Variants in SFXN5 observed in about 807,000 individuals in gnomAD.
The protein encoded by SFXN5 is sideroflexin 5.
A neutral mutation model predicts 50.2 loss-of-function variants in SFXN5; 43 were observed. That is an observed-to-expected ratio of 0.86 (90% confidence interval 0.67 to 1.11). SFXN5 has a LOEUF of 1.11. SFXN5 is among the 50% of genes least tolerant of loss of function. The pLI is 0.00. For synonymous variants in SFXN5, 203 were observed against 185.8 expected (o/e 1.09, Z -0.75); for missense variants, 463 against 454.1 (o/e 1.02, Z -0.18).
At chr2:73,041,663 T>C (rs1462512283) in intron 2 of SFXN5, 1 of 406,830 alleles carries the variant, frequency 2.5e-6, no homozygotes, top group East Asian at 7.5e-5. Context: ...AGACTCCATC[T>C]AAAAAAGAAA....
intron 6 of SFXN5, among the ~76,000 whole-genome samples, chr2:73,003,005 G>A (rs1386559138): frequency 1.3e-5 from 2 of 152,218 alleles, no homozygotes; most frequent in Non-Finnish European, 2.9e-5. Context: ...TAGGTGTCAA[G>A]TCAACAGAGA....
intron 11 of SFXN5, among the ~76,000 whole-genome samples, chr2:72,970,178 G>A (rs1219183417): frequency 1.3e-5 from 2 of 152,202 alleles, no homozygotes; most frequent in Non-Finnish European, 2.9e-5. Context: ...GGGCTGGAAT[G>A]GGAGGTTGGG....
chr2:73,060,214 CATT>C (rs536625896), intron 1 of SFXN5, among the ~76,000 whole-genome samples: 88 of 152,134 alleles, frequency 5.8e-4, no homozygotes, highest in African/African-American at 2.1e-3. Flanking sequence ...GAAACTGGTA[CATT>C]TTGTTGCACC....
chr2:72,998,862 G>A, intron 9 of SFXN5, 87 bp downstream of exon 9: 3 of 1,428,710 alleles, frequency 2.1e-6, no homozygotes, highest in South Asian at 1.2e-5. Context: ...GCCTGGCCTG[G>A]CCCTCAGACA....
At chr2:73,041,490 G>A (rs572774415) in intron 2 of SFXN5, 6 of 213,624 alleles carry the variant, frequency 2.8e-5, no homozygotes, top group African/African-American at 4.6e-5. Context: ...AGGAGTTCGA[G>A]ACCAGCCTGA....
rs201769342 is a variant in SFXN5 at position 73,053,173 on chromosome 2, CG to C, written c.171+5354del. On this transcript the variant is annotated intron_variant, in intron 2 of 13. Transcript: ENST00000272433. ...TGGGCAACAGAGTAAGACTCTGCCT[CG>C]AAAAAAAAAAAAAGGAAAAAAAAAT... 4.1e-4 allele frequency among the ~76,000 whole-genome samples: 55 copies of C among 135,592 alleles called. 1 individual carries two copies. Among genetic ancestry groups the C allele is most frequent in the Middle Eastern group, 3.6e-3 (1 of 278 alleles). 89.0% of individuals were successfully genotyped at this position (135,592 alleles called of 152,430 possible). A position where few individuals can be genotyped will look rare whatever the true frequency, so the allele number is the denominator to read the frequency against.
chr2:72,979,881 T>C (rs912479842), intron 10 of SFXN5, among the ~76,000 whole-genome samples: 5 of 152,332 alleles, frequency 3.3e-5, no homozygotes, highest in Admixed American at 3.3e-4. Context: ...TACTTTTAGA[T>C]GTTAACTTGA....
chr2:72,974,873 G>C (rs1289747183), intron 10 of SFXN5, among the ~76,000 whole-genome samples: 1 of 150,304 alleles, frequency 6.7e-6, no homozygotes, highest in Non-Finnish European at 1.5e-5. Flanking sequence ...AAAAAACAGA[G>C]ACAGAGAGAA....
At chr2:72,948,586 G>A (rs1240108052) in intron 13 of SFXN5, among the ~76,000 whole-genome samples, 1 of 152,244 alleles carries the variant, frequency 6.6e-6, no homozygotes, top group South Asian at 2.1e-4. Context: ...GCACCACCAT[G>A]CAGGACCACG....
intron 9 of SFXN5, among the ~76,000 whole-genome samples, chr2:72,995,987 C>CA (rs1308521362): frequency 6.6e-6 from 1 of 152,214 alleles, no homozygotes; most frequent in Admixed American, 6.5e-5. Context: ...GGCCAGCGAT[C>CA]AATCAGTGGC....
rs146248796 is a variant in SFXN5 at position 73,029,687 on chromosome 2, C to T, written c.250-6473G>A. ...AATGACTTATTCACTTATTTAATTCCCTCAACAGCCCTAGGAGGTTGGGAT... is the reference window on the plus strand; with the variant it reads ...AATGACTTATTCACTTATTTAATTCTCTCAACAGCCCTAGGAGGTTGGGAT... On this transcript the variant is annotated intron_variant, in intron 3 of 13. Transcript: ENST00000272433. Among the ~76,000 whole-genome samples, 669 of 152,250 alleles carry T rather than the reference C, an allele frequency of 4.4e-3. 9 individuals carry two copies. The highest frequency in any genetic ancestry group is 0.014 in the African/African-American group (602 of 41,534).
intron 13 of SFXN5, among the ~76,000 whole-genome samples, chr2:72,957,779 C>A (rs1245062582): frequency 1.3e-5 from 2 of 152,208 alleles, no homozygotes; most frequent in East Asian, 3.9e-4. Flanking sequence ...TGCCATGGGT[C>A]CCAAACAGGG....
At chr2:73,004,771 G>A (rs184685087) in intron 6 of SFXN5, among the ~76,000 whole-genome samples, 21 of 152,298 alleles carry the variant, frequency 1.4e-4, no homozygotes, top group South Asian at 8.3e-4. Context: ...ACAGTCAGGC[G>A]GGGACCAAAA....
intron 9 of SFXN5, among the ~76,000 whole-genome samples, chr2:72,994,660 C>T (rs919344309): frequency 6.6e-6 from 1 of 152,000 alleles, no homozygotes. Flanking sequence ...ATTCAGGCCC[C>T]TTGTCCATGA....
intron 3 of SFXN5, among the ~76,000 whole-genome samples, chr2:73,028,171 C>T (rs1451335650): frequency 6.6e-6 from 1 of 152,160 alleles, no homozygotes; most frequent in Non-Finnish European, 1.5e-5. Context: ...ATGATGTTCC[C>T]GTAATGACAA....
chr2:73,023,575 A>G (rs1045233716), intron 3 of SFXN5, among the ~76,000 whole-genome samples: 1 of 152,208 alleles, frequency 6.6e-6, no homozygotes, highest in African/African-American at 2.4e-5. Context: ...ATTTAAATGA[A>G]GATACTTCAA....
At chr2:72,991,240 G>T (rs938972512) in intron 9 of SFXN5, among the ~76,000 whole-genome samples, 2 of 152,238 alleles carry the variant, frequency 1.3e-5, no homozygotes, top group Admixed American at 1.3e-4. Flanking sequence ...AGAGTGTAGG[G>T]AGGAAGAACG....
intron 13 of SFXN5, among the ~76,000 whole-genome samples, chr2:72,951,653 C>T (rs1672547907): frequency 1.4e-5 from 2 of 146,948 alleles, no homozygotes; most frequent in Admixed American, 1.4e-4. Context: ...TTACCTACTA[C>T]AAAGAACTTC....
Position 73,047,283 on chromosome 2 carries a change from T to TATATATATATATATATATATATACACAC in SFXN5, c.172-6353_172-6352insGTGTGTATATATATATATATATATATAT, listed in dbSNP as rs1325442108. 6.1e-3 allele frequency among the ~76,000 whole-genome samples: 451 copies of TATATATATATATATATATATATACACAC among 73,382 alleles called. 10 individuals carry two copies. The highest frequency in any genetic ancestry group is 9.5e-3 in the Non-Finnish European group (358 of 37,852). The allele number at this position is 73,382 out of a possible 152,430, so 48.1% of individuals were successfully genotyped here. On this transcript the variant is annotated intron_variant, in intron 2 of 13. Transcript: ENST00000272433. The stretch of plus-strand genomic sequence containing the variant: ...ATATATATATATATATATACACACA[T>TATATATATATATATATATATATACACAC]ATATATATATATATAAAATATATAT...
Sources: allele counts gnomAD v4.1 joint callset (sites outside exome capture counted in the v4.1 genomes callset), GRCh38; gene constraint gnomAD v4.1.1; transcripts MANE v1.5; gene names NCBI Gene and HGNC (gene_info 2026-07-23, HGNC 2026-07-21).